The following MACROH2A1 variants were observed in gnomAD, a reference collection of about 807,000 sequenced individuals.
MACROH2A1 encodes core histone macro-H2A.1.
In MACROH2A1, 2 loss-of-function variants were observed where a neutral mutation model predicts 31.6. The observed-to-expected ratio is 0.06, with a 90% CI of 0.03 to 0.20. MACROH2A1 has a LOEUF of 0.20. Ranked by LOEUF, MACROH2A1 falls within the 10% of genes least tolerant of loss-of-function variation. The pLI, the probability that MACROH2A1 is intolerant of heterozygous loss-of-function variation, is 1.00. For missense variants in MACROH2A1, 230 were observed against 474.0 expected (o/e 0.49, Z 4.78); for synonymous variants, 169 against 189.6 (o/e 0.89, Z 0.89).
At chr5:135,351,960 A>G (rs1013174674) in intron 6 of MACROH2A1, among the ~76,000 whole-genome samples, 22 of 151,708 alleles carry the variant, frequency 1.5e-4, no homozygotes, top group African/African-American at 5.1e-4. Flanking sequence ...CAGTTGGAAA[A>G]CAAGTTCAAG....
At chr5:135,395,339 T>C (rs1008842255) in intron 1 of MACROH2A1, among the ~76,000 whole-genome samples, 3 of 152,218 alleles carry the variant, frequency 2.0e-5, no homozygotes, top group South Asian at 4.1e-4. Context: ...TACATGCCTA[T>C]TGATCCCATG....
At chr5:135,339,967 C>T (rs1166500409) in intron 8 of MACROH2A1, among the ~76,000 whole-genome samples, 2 of 152,218 alleles carry the variant, frequency 1.3e-5, no homozygotes, top group Non-Finnish European at 2.9e-5. Context: ...CCTTTTATCT[C>T]ACCTCTGAGG....
chr5:135,398,605 C>T lies in MACROH2A1; in HGVS notation c.-34+457G>A, dbSNP rs936067339. 7.9e-5 allele frequency among the ~76,000 whole-genome samples: 12 copies of T among 152,324 alleles called. No individual in the cohort carries two copies. Among genetic ancestry groups the T allele is most frequent in the Non-Finnish European group, 1.8e-4 (12 of 68,020 alleles). Reference sequence around the variant, plus strand: ...GCCCGACTTATTGTGCCGGGGCCGGCAACTCGCGGGCCGGCGGGGGCCTCA... The same window carrying T: ...GCCCGACTTATTGTGCCGGGGCCGGTAACTCGCGGGCCGGCGGGGGCCTCA... On this transcript the variant is annotated intron_variant, in intron 1 of 8. Transcript: ENST00000511689. The surrounding 1 kb of genome is among the most constrained non-coding windows in gnomAD (Gnocchi z 4.6).
chr5:135,349,567 G>T (rs1434379353), intron 6 of MACROH2A1, among the ~76,000 whole-genome samples: 2 of 152,066 alleles, frequency 1.3e-5, no homozygotes, highest in African/African-American at 4.8e-5. Flanking sequence ...AGCAGTCTTT[G>T]CTAGTGATGC....
intron 5 of MACROH2A1, chr5:135,355,242 G>C (rs1014285653): frequency 2.2e-6 from 1 of 455,908 alleles, no homozygotes; most frequent in Non-Finnish European, 4.4e-6. Context: ...GAGCAGTTGC[G>C]AACAGAACTC....
chr5:135,392,394 G>A (rs1341111705), intron 1 of MACROH2A1, among the ~76,000 whole-genome samples: 1 of 152,148 alleles, frequency 6.6e-6, no homozygotes, highest in Non-Finnish European at 1.5e-5. Flanking sequence ...CAATAAAGCG[G>A]CCTCAAGTCT....
chr5:135,389,701 G>A (rs1703654422), intron 1 of MACROH2A1, among the ~76,000 whole-genome samples: 1 of 152,138 alleles, frequency 6.6e-6, no homozygotes, highest in Admixed American at 6.5e-5. Flanking sequence ...AGAGAGAGAG[G>A]TGTTTTTTCC....
chr5:135,371,883 C>G (rs530157481), intron 2 of MACROH2A1, among the ~76,000 whole-genome samples: 10 of 152,142 alleles, frequency 6.6e-5, no homozygotes, highest in Non-Finnish European at 1.2e-4. Context: ...GAAGAAAATT[C>G]TAGCTGCATA....
At chr5:135,364,542 G>A (rs1167798685) in intron 4 of MACROH2A1, among the ~76,000 whole-genome samples, 3 of 152,176 alleles carry the variant, frequency 2.0e-5, no homozygotes, top group African/African-American at 7.2e-5. Context: ...CAGAAAGACT[G>A]TTATAATTTT....
chr5:135,392,587 C>G (rs1767396711), intron 1 of MACROH2A1, among the ~76,000 whole-genome samples: 1 of 152,150 alleles, frequency 6.6e-6, no homozygotes, highest in South Asian at 2.1e-4. Flanking sequence ...CTTTTGAAAA[C>G]CAACTCATAG....
intron 8 of MACROH2A1, among the ~76,000 whole-genome samples, chr5:135,338,638 G>A (rs1759224035): frequency 1.3e-5 from 2 of 152,228 alleles, no homozygotes; most frequent in Admixed American, 1.3e-4. Flanking sequence ...AGTACTGACT[G>A]CTTTCAGGAG....
At chr5:135,335,934 C>A (rs116052633) in intron 8 of MACROH2A1, among the ~76,000 whole-genome samples, 1 of 152,144 alleles carries the variant, frequency 6.6e-6, no homozygotes, top group African/African-American at 2.4e-5. Flanking sequence ...CTAGTGAAAA[C>A]CTGGGTTTAG....
chr5:135,393,188 C>T (rs963468424), intron 1 of MACROH2A1, among the ~76,000 whole-genome samples: 1 of 152,166 alleles, frequency 6.6e-6, no homozygotes, highest in Non-Finnish European at 1.5e-5. Context: ...ACTCTCACAT[C>T]TTCAATACAT....
chr5:135,339,348 C>T (rs1759380352), intron 8 of MACROH2A1, among the ~76,000 whole-genome samples: 1 of 152,116 alleles, frequency 6.6e-6, no homozygotes. Flanking sequence ...TCTAGGTGCA[C>T]CAAGGACCAC....
chr5:135,370,199 CG>C, intron 2 of MACROH2A1, 57 bp from the exon 3 acceptor site: 1 of 1,071,976 alleles, frequency 9.3e-7, no homozygotes. Context: ...GTCCCCGCCC[CG>C]GTCCCCACAT....
intron 4 of MACROH2A1, among the ~76,000 whole-genome samples, chr5:135,367,354 A>G (rs1303454837): frequency 6.6e-6 from 1 of 152,192 alleles, no homozygotes; most frequent in Non-Finnish European, 1.5e-5. Context: ...AGAAAAACAG[A>G]CCACCATAAC....
At chr5:135,384,284 G>A (rs868025663) in intron 2 of MACROH2A1, among the ~76,000 whole-genome samples, 14 of 152,212 alleles carry the variant, frequency 9.2e-5, no homozygotes, top group African/African-American at 3.4e-4. Flanking sequence ...AAAGGGATAT[G>A]CAACATCTGA....
intron 8 of MACROH2A1, among the ~76,000 whole-genome samples, chr5:135,339,567 A>C (rs1442214491): frequency 8.5e-5 from 13 of 152,176 alleles, no homozygotes. Flanking sequence ...GCGAGCTTGC[A>C]ATTGACGGCT....
chr5:135,336,695 G>A (rs924125728), intron 8 of MACROH2A1, among the ~76,000 whole-genome samples: 4 of 152,154 alleles, frequency 2.6e-5, no homozygotes, highest in Non-Finnish European at 4.4e-5. Context: ...GAAAGAAAAG[G>A]GCTCTGCTGA....
Sources: allele counts gnomAD v4.1 joint callset (sites outside exome capture counted in the v4.1 genomes callset), GRCh38; gene constraint gnomAD v4.1.1; non-coding constraint Gnocchi (gnomAD v3.1); transcripts MANE v1.5; gene names NCBI Gene and HGNC (gene_info 2026-07-23, HGNC 2026-07-21).